Variants in CNTNAP5 observed in about 807,000 individuals in gnomAD.
The protein encoded by CNTNAP5 is contactin associated protein family member 5.
CNTNAP5 carries 72 observed loss-of-function variants against 150.2 expected under a neutral mutation model. The observed-to-expected ratio is 0.48, with a 90% CI of 0.40 to 0.58. The LOEUF (loss-of-function observed/expected upper bound fraction) is 0.58, where lower values mean the gene tolerates loss of function less well. CNTNAP5 is among the 20% of genes least tolerant of loss of function. The pLI is 0.00. For missense variants in CNTNAP5, 1,636 were observed against 1,626.2 expected (o/e 1.01, Z -0.10); for synonymous variants, 672 against 619.8 (o/e 1.08, Z -1.25).
intron 1 of CNTNAP5, among the ~76,000 whole-genome samples, chr2:124,126,783 A>G (rs1249942791): frequency 6.6e-6 from 1 of 152,230 alleles, no homozygotes; most frequent in Non-Finnish European, 1.5e-5. Flanking sequence ...GTAATCCATC[A>G]TATAAACAGA....
chr2:124,211,858 A>G (rs1298656149), intron 1 of CNTNAP5, among the ~76,000 whole-genome samples: 1 of 152,208 alleles, frequency 6.6e-6, no homozygotes, highest in Non-Finnish European at 1.5e-5. Flanking sequence ...AGGTTTATGA[A>G]TGTGTATGGA....
intron 3 of CNTNAP5, among the ~76,000 whole-genome samples, chr2:124,336,802 C>G (rs1349456697): frequency 6.6e-6 from 1 of 152,044 alleles, no homozygotes; most frequent in Non-Finnish European, 1.5e-5. Context: ...GGTTCCAAGT[C>G]TTTGCTATTG....
intron 12 of CNTNAP5, among the ~76,000 whole-genome samples, chr2:124,643,818 A>G (rs1186711965): frequency 6.6e-6 from 1 of 152,254 alleles, no homozygotes; most frequent in Non-Finnish European, 1.5e-5. Flanking sequence ...TACTGCTGAC[A>G]TGGAGCAGAA....
chr2:124,375,255 A>C (rs1164257610), intron 3 of CNTNAP5, among the ~76,000 whole-genome samples: 1 of 152,088 alleles, frequency 6.6e-6, no homozygotes, highest in African/African-American at 2.4e-5. Context: ...ACAAAGAAAA[A>C]AAAACAGTAA....
intron 19 of CNTNAP5, among the ~76,000 whole-genome samples, chr2:124,840,566 C>T (rs181740237): frequency 4.9e-4 from 74 of 152,162 alleles, no homozygotes; most frequent in Non-Finnish European, 8.1e-4. Flanking sequence ...AACCTTATCA[C>T]ATCACAGAAC....
intron 12 of CNTNAP5, among the ~76,000 whole-genome samples, chr2:124,646,703 C>T (rs1678208706): frequency 6.6e-6 from 1 of 152,290 alleles, no homozygotes; most frequent in Admixed American, 6.5e-5. Context: ...AGCCTTGCAA[C>T]TTTGTATTTG....
At chr2:124,192,218 A>C (rs952745192) in intron 1 of CNTNAP5, among the ~76,000 whole-genome samples, 18 of 152,250 alleles carry the variant, frequency 1.2e-4, no homozygotes, top group African/African-American at 4.1e-4. Flanking sequence ...GGGATGCACA[A>C]GGGCAGACAA....
At chr2:124,475,217 A>G (rs1479377575) in intron 7 of CNTNAP5, among the ~76,000 whole-genome samples, 2 of 152,078 alleles carry the variant, frequency 1.3e-5, no homozygotes, top group Non-Finnish European at 2.9e-5. Context: ...AGAAAACCAC[A>G]TATTCCATTA....
At chr2:124,815,718 CT>C (rs921360822) in intron 19 of CNTNAP5, among the ~76,000 whole-genome samples, 9 of 149,218 alleles carry the variant, frequency 6.0e-5, no homozygotes, top group African/African-American at 1.2e-4. Flanking sequence ...TCTTTTCTTT[CT>C]TTTTTTTTTC....
rs1694915880 is a variant in CNTNAP5, at chr2:124,524,321, G to T, written c.1346G>T (p.Gly449Val). The T allele has an allele frequency of 6.2e-7, 1 of 1,613,598 alleles. No individual in the cohort carries two copies. The highest frequency in any genetic ancestry group is 8.5e-7 in the Non-Finnish European group (1 of 1,179,800). Residue 449 changes from glycine to valine, a missense_variant, in exon 9 of 24, where the codon GGC becomes GTC. Physicochemically the swap from Gly to Val is moderately radical, Grantham distance 109 (BLOSUM62 -3). Coordinates refer to ENST00000682447, the MANE Select transcript of CNTNAP5 (RefSeq NM_001367498.1). ...EILTGSNLND[G>V]LWHSVSINAR... ...CTTGCAGGCAGCAACTTGAATGATG[G>T]CCTGTGGCACTCGGTTAGCATCAAC...
intron 1 of CNTNAP5, among the ~76,000 whole-genome samples, chr2:124,096,458 G>C (rs1182087062): frequency 6.6e-6 from 1 of 152,020 alleles, no homozygotes. Flanking sequence ...TGGCAACTTA[G>C]TATCCATTCT....
At chr2:124,101,008 G>A (rs536123918) in intron 1 of CNTNAP5, among the ~76,000 whole-genome samples, 5 of 152,246 alleles carry the variant, frequency 3.3e-5, no homozygotes, top group Non-Finnish European at 7.4e-5. Flanking sequence ...TCAGCTTTGG[G>A]AATGTGTTAA....
chr2:124,145,812 T>TAAAAAA, intron 1 of CNTNAP5, among the ~76,000 whole-genome samples: 40 of 64,148 alleles, frequency 6.2e-4, no homozygotes, highest in African/African-American at 9.1e-4. Context: ...AAAAAAACAT[T>TAAAAAA]AAAAAAAAAA....
chr2:124,069,367 C>T (rs565755453), intron 1 of CNTNAP5, among the ~76,000 whole-genome samples: 59 of 152,258 alleles, frequency 3.9e-4, no homozygotes, highest in Middle Eastern at 3.4e-3. Flanking sequence ...AACTTGAATA[C>T]GTGGCTCCAA....
intron 21 of CNTNAP5, among the ~76,000 whole-genome samples, chr2:124,889,789 A>G (rs1391145569): frequency 1.3e-5 from 2 of 152,000 alleles, no homozygotes; most frequent in African/African-American, 4.8e-5. Context: ...TGTCCTCTGG[A>G]TCAGTGATTT....
chr2:124,415,861 A>G (rs917436797), intron 3 of CNTNAP5, among the ~76,000 whole-genome samples: 1 of 152,202 alleles, frequency 6.6e-6, no homozygotes, highest in Non-Finnish European at 1.5e-5. Context: ...ATTTACTCCA[A>G]TTAAAAAAAT....
Position 124,221,728 on chromosome 2 carries a change from TC to T in CNTNAP5, c.109del (p.Leu37CysfsTer50). ...TNYNCDDPLA[S>X]LLSPMAFSSS... Reference sequence around the variant, plus strand: ...AGACAACTGTGATGATCCACTAGCATCCCTGCTCTCTCCAATGGCTTTTTCC... The same window carrying T: ...AGACAACTGTGATGATCCACTAGCATCCTGCTCTCTCCAATGGCTTTTTCC... On this transcript the variant is annotated frameshift_variant, in exon 2 of 24. Transcript: ENST00000682447. LOFTEE classifies it high-confidence loss of function. 1 of 1,611,264 alleles carries T rather than the reference TC, an allele frequency of 6.2e-7. No individual in the cohort carries two copies. Among genetic ancestry groups the T allele is most frequent in the Non-Finnish European group, 8.5e-7 (1 of 1,178,358 alleles).
At chr2:124,621,220 T>C (rs879454664) in intron 12 of CNTNAP5, among the ~76,000 whole-genome samples, 6 of 152,154 alleles carry the variant, frequency 3.9e-5, no homozygotes, top group Non-Finnish European at 8.8e-5. Flanking sequence ...CAATTGTACA[T>C]TGATATGCAA....
chr2:124,688,641 C>A (rs191118325), intron 13 of CNTNAP5, among the ~76,000 whole-genome samples: 1 of 152,092 alleles, frequency 6.6e-6, no homozygotes, highest in Admixed American at 6.6e-5. Flanking sequence ...TGAGTTCACT[C>A]GGGGACATGC....
Sources: allele counts gnomAD v4.1 joint callset (sites outside exome capture counted in the v4.1 genomes callset), GRCh38; gene constraint gnomAD v4.1.1; transcripts MANE v1.5; gene names NCBI Gene and HGNC (gene_info 2026-07-23, HGNC 2026-07-21).